PAFAH1B1: variants seen among roughly 807,000 people sequenced by gnomAD.
PAFAH1B1 encodes the protein platelet-activating factor acetylhydrolase IB subunit beta.
Under a neutral mutation model 57.5 loss-of-function variants are expected in PAFAH1B1, and 2 were observed. The observed-to-expected ratio is 0.03, with a 90% confidence interval of 0.01 to 0.11. PAFAH1B1 has a LOEUF of 0.11. Ranked by LOEUF, PAFAH1B1 falls within the 10% of genes least tolerant of loss-of-function variation. The pLI, the probability that PAFAH1B1 is intolerant of heterozygous loss-of-function variation, is 1.00. For synonymous variants in PAFAH1B1, 152 were observed against 169.6 expected, an observed-to-expected ratio of 0.90 and a Z score of 0.81; for missense variants, 257 against 512.0, an observed-to-expected ratio of 0.50 and a Z score of 4.81.
intron 1 of PAFAH1B1, among the ~76,000 whole-genome samples, chr17:2,601,786 C>G (rs2068147170): frequency 6.6e-6 from 1 of 151,984 alleles, no homozygotes; most frequent in African/African-American, 2.4e-5. Context: ...GCCATGTTGC[C>G]CAGGCCAGTC....
Position 2,650,823 on chromosome 17 carries a change from G to A in PAFAH1B1, c.32+12503G>A, listed in dbSNP as rs189726717. 1.8e-3 allele frequency among the ~76,000 whole-genome samples: 270 copies of A among 152,094 alleles called. 2 individuals are homozygous for A. The highest frequency in any genetic ancestry group is 4.0e-3 in the Admixed American group (61 of 15,250). On this transcript the variant is annotated intron_variant, in intron 2 of 10. Transcript: ENST00000397195. ...AAGTGCCTGTTCGGGGTGTTGCTAC[G>A]TTTTTGTTTTGTTGTGTTTTCTGTT...
Position 2,638,117 on chromosome 17 carries a change from G to T in PAFAH1B1, c.-172G>T. 5.5e-6 allele frequency: 3 copies of T among 543,982 alleles called. No individual in the cohort carries two copies. Among genetic ancestry groups the T allele is most frequent in the South Asian group, 3.0e-5 (1 of 33,536 alleles). 33.7% of individuals were successfully genotyped at this position (543,982 alleles called of 1,614,324 possible). A position where few individuals can be genotyped will look rare whatever the true frequency, so the allele number is the denominator to read the frequency against. ...TCCTTAGGTGGAATGAATCTTACTT[G>T]TTGAATATCTTCTGGTTACTAGTTG... On this transcript the variant is annotated 5_prime_UTR_variant, in exon 2 of 11. Transcript: ENST00000397195.
intron 2 of PAFAH1B1, among the ~76,000 whole-genome samples, chr17:2,662,378 TTGTGTGTGTGTGTGTGTGTGTGTGTG>T (rs57918293): frequency 8.1e-6 from 1 of 123,694 alleles, no homozygotes; most frequent in Admixed American, 8.6e-5. Context: ...TTTAACCTCT[TTGTGTGTGTGTGTGTGTGTGTGTGTG>T]TGTGTGTGTG....
At chr17:2,652,918 G>A (rs2068883612) in intron 2 of PAFAH1B1, among the ~76,000 whole-genome samples, 1 of 152,058 alleles carries the variant, frequency 6.6e-6, no homozygotes, top group South Asian at 2.1e-4. Flanking sequence ...CCATTACTGG[G>A]TATATATACC....
chr17:2,646,591 G>A (rs1009858581), intron 2 of PAFAH1B1, among the ~76,000 whole-genome samples: 1 of 152,166 alleles, frequency 6.6e-6, no homozygotes, highest in African/African-American at 2.4e-5. Flanking sequence ...GGTGGAGGTT[G>A]CAGTGAGCCA....
At chr17:2,666,736 GA>G in intron 4 of PAFAH1B1, among the ~76,000 whole-genome samples, 1 of 152,126 alleles carries the variant, frequency 6.6e-6, no homozygotes, top group East Asian at 1.9e-4. Context: ...GATACAAATC[GA>G]AATTTTTCTT....
chr17:2,652,539 G>A (rs1384223603), intron 2 of PAFAH1B1, among the ~76,000 whole-genome samples: 1 of 152,108 alleles, frequency 6.6e-6, no homozygotes, highest in East Asian at 1.9e-4. Flanking sequence ...AGTTAGTTGA[G>A]GTCCTGAGGT....
At chr17:2,652,576 A>AT (rs67410516) in intron 2 of PAFAH1B1, among the ~76,000 whole-genome samples, 49,870 of 152,076 alleles carry the variant, frequency 0.33, 8,553 homozygotes, top group African/African-American at 0.41. Flanking sequence ...TTTGAACATC[A>AT]TATATATTTG....
rs376902322 is a variant in PAFAH1B1 at position 2,638,930 on chromosome 17, C to A, written c.32+610C>A. On this transcript the variant is annotated intron_variant, in intron 2 of 10. Transcript: ENST00000397195. ...TATTTTTATTTTTGAGATGGACTCT[C>A]GTTCTGTCACCCAGGCTGGAGTGCA... Among the ~76,000 whole-genome samples, 286 of 146,174 alleles carry A rather than the reference C, an allele frequency of 2.0e-3. 1 individual carries two copies. The highest frequency in any genetic ancestry group is 6.8e-3 in the African/African-American group (270 of 39,720).
At chr17:2,642,689 A>C (rs1020285858) in intron 2 of PAFAH1B1, among the ~76,000 whole-genome samples, 1 of 152,196 alleles carries the variant, frequency 6.6e-6, no homozygotes, top group Non-Finnish European at 1.5e-5. Context: ...GAAAGGATTG[A>C]GAATTCGCAT....
chr17:2,630,271 G>C (rs2068538960), intron 1 of PAFAH1B1, among the ~76,000 whole-genome samples: 1 of 152,140 alleles, frequency 6.6e-6, no homozygotes, highest in Admixed American at 6.5e-5. Flanking sequence ...AAGATTTAGA[G>C]CTCCGTTTAG....
At chr17:2,671,072 T>A (rs933250434) in intron 6 of PAFAH1B1, among the ~76,000 whole-genome samples, 6 of 152,246 alleles carry the variant, frequency 3.9e-5, no homozygotes, top group African/African-American at 1.4e-4. Context: ...AAGGAACACG[T>A]TAACACATGA....
intron 1 of PAFAH1B1, among the ~76,000 whole-genome samples, chr17:2,606,953 T>C (rs1355176701): frequency 6.6e-6 from 1 of 151,040 alleles, no homozygotes; most frequent in Admixed American, 6.6e-5. Context: ...GCCTCCCTAG[T>C]AGCTGGGACT....
At chr17:2,643,489 C>A (rs2873426) in intron 2 of PAFAH1B1, among the ~76,000 whole-genome samples, 3 of 151,630 alleles carry the variant, frequency 2.0e-5, no homozygotes, top group African/African-American at 4.9e-5. Context: ...CCTCTGGGCT[C>A]AGGTGATGCT....
intron 2 of PAFAH1B1, among the ~76,000 whole-genome samples, chr17:2,651,032 T>G (rs2068842567): frequency 6.6e-6 from 1 of 152,192 alleles, no homozygotes; most frequent in Non-Finnish European, 1.5e-5. Context: ...TTTACTTTCT[T>G]AAGACCTTTT....
intron 2 of PAFAH1B1, among the ~76,000 whole-genome samples, chr17:2,652,338 C>T (rs2068870252): frequency 3.3e-5 from 5 of 152,210 alleles, no homozygotes; most frequent in African/African-American, 4.8e-5. Context: ...TGGCGTGAAC[C>T]CGGGAGGCGG....
chr17:2,600,551 CA>C (rs2068130120), intron 1 of PAFAH1B1, among the ~76,000 whole-genome samples: 1 of 67,726 alleles, frequency 1.5e-5, no homozygotes, highest in East Asian at 4.1e-4. Flanking sequence ...GCCTGGGCAA[CA>C]AGAGTGAAAC....
At chr17:2,668,374 A>G (rs114507169) in intron 5 of PAFAH1B1, among the ~76,000 whole-genome samples, 11,482 of 152,084 alleles carry the variant, frequency 0.075, 486 homozygotes, top group African/African-American at 0.11. Context: ...CCTTACTACT[A>G]ACAGCAGAAG....
chr17:2,658,575 G>T (rs952926108), intron 2 of PAFAH1B1, among the ~76,000 whole-genome samples: 1 of 152,126 alleles, frequency 6.6e-6, no homozygotes, highest in Non-Finnish European at 1.5e-5. Flanking sequence ...AGACCCAGCC[G>T]TCTGATGAAA....
Sources: allele counts gnomAD v4.1 joint callset (sites outside exome capture counted in the v4.1 genomes callset), GRCh38; gene constraint gnomAD v4.1.1; transcripts MANE v1.5; gene names NCBI Gene and HGNC (gene_info 2026-07-23, HGNC 2026-07-21).